PHF14: variants seen among roughly 807,000 people sequenced by gnomAD.
PHF14 encodes the protein PHD finger protein 14.
A neutral mutation model predicts 117.9 loss-of-function variants in PHF14; 55 were observed. The ratio of observed to expected loss-of-function variants is 0.47; its 90% CI spans 0.38 to 0.58. The LOEUF is 0.58. Ranked by LOEUF, PHF14 falls within the 20% of genes least tolerant of loss-of-function variation. The pLI, the probability that PHF14 is intolerant of heterozygous loss-of-function variation, is 0.00. For missense variants in PHF14, 978 were observed against 1,122.2 expected (o/e 0.87, Z 1.84); for synonymous variants, 409 against 368.6 (o/e 1.11, Z -1.26).
intron 5 of PHF14, among the ~76,000 whole-genome samples, chr7:11,021,899 G>A (rs1783748951): frequency 6.6e-6 from 1 of 152,064 alleles, no homozygotes; most frequent in Non-Finnish European, 1.5e-5. Context: ...ACAAAAACCA[G>A]AACCATGTAG....
chr7:11,032,888 C>T (rs1784168839), intron 7 of PHF14, among the ~76,000 whole-genome samples: 2 of 152,198 alleles, frequency 1.3e-5, no homozygotes, highest in African/African-American at 2.4e-5. Context: ...AATCTGATGA[C>T]AGTCAGGTAA....
chr7:11,100,353 T>A (rs1166355565), intron 16 of PHF14, among the ~76,000 whole-genome samples: 1 of 152,154 alleles, frequency 6.6e-6, no homozygotes, highest in Non-Finnish European at 1.5e-5. Context: ...TATCCCAGAC[T>A]ATGTTTTCTG....
At chr7:11,110,323 CAAT>C (rs1562471275) in intron 16 of PHF14, 1 of 152,414 alleles carries the variant, frequency 6.6e-6, no homozygotes, top group African/African-American at 2.4e-5. Flanking sequence ...GAAAGATAAA[CAAT>C]AAAGAAAATC....
intron 16 of PHF14, among the ~76,000 whole-genome samples, chr7:11,088,105 G>A (rs1423403964): frequency 6.6e-6 from 1 of 152,080 alleles, no homozygotes; most frequent in East Asian, 1.9e-4. Context: ...AAAATCTGAA[G>A]ATGCTCAAGT....
intron 17 of PHF14, among the ~76,000 whole-genome samples, chr7:11,157,728 T>A (rs1398480941): frequency 6.6e-6 from 1 of 152,182 alleles, no homozygotes; most frequent in Non-Finnish European, 1.5e-5. Flanking sequence ...GTGTTAGACA[T>A]CCCTCAGTGT....
At chr7:11,011,690 T>C (rs896092402) in intron 4 of PHF14, among the ~76,000 whole-genome samples, 3 of 152,216 alleles carry the variant, frequency 2.0e-5, no homozygotes, top group Non-Finnish European at 2.9e-5. Flanking sequence ...TTGCAATGTG[T>C]TCATTATTAT....
rs564998009 is a variant in PHF14, at chr7:11,162,072, C to CTTTTTTT, written c.2773-7316_2773-7310dup. On this transcript the variant is annotated intron_variant, in intron 17 of 17. Coordinates refer to ENST00000634607, the MANE Select transcript of PHF14 (RefSeq NM_001007157.2). ...TCAGCAGGATATCTTAAAAATATGT[C>CTTTTTTT]TTTTTTTTTTTTTTTTTTTTTTTTT... Among the ~76,000 whole-genome samples, 90 of 70,296 alleles carry CTTTTTTT rather than the reference C, an allele frequency of 1.3e-3. 1 individual carries two copies. The highest frequency in any genetic ancestry group is 1.8e-3 in the Non-Finnish European group (61 of 33,654). The allele number at this position is 70,296 out of a possible 152,430, so 46.1% of individuals were successfully genotyped here.
At chr7:11,107,101 C>G in intron 16 of PHF14, 1 of 982,708 alleles carries the variant, frequency 1.0e-6, no homozygotes, top group Non-Finnish European at 1.2e-6. Context: ...TTGTAGTTTA[C>G]TCCTCTAATG....
At chr7:11,050,579 T>G (rs1314646917) in intron 13 of PHF14, among the ~76,000 whole-genome samples, 1 of 152,260 alleles carries the variant, frequency 6.6e-6, no homozygotes, top group Non-Finnish European at 1.5e-5. Context: ...AAATGAGAAA[T>G]TTTCTCAGTG....
chr7:11,009,035 CAAAA>C (rs35700406), intron 4 of PHF14, among the ~76,000 whole-genome samples: 2 of 101,530 alleles, frequency 2.0e-5, no homozygotes, highest in Non-Finnish European at 1.9e-5. Context: ...GACTCTGTCT[CAAAA>C]AAAAAAAAAA....
At chr7:11,086,478 T>C (rs1208314734) in intron 16 of PHF14, among the ~76,000 whole-genome samples, 2 of 152,234 alleles carry the variant, frequency 1.3e-5, no homozygotes, top group Non-Finnish European at 2.9e-5. Context: ...GGATGAGGGC[T>C]TCTCAATCAC....
intron 16 of PHF14, among the ~76,000 whole-genome samples, chr7:11,099,260 A>T (rs1041150345): frequency 9.2e-5 from 14 of 152,116 alleles, no homozygotes; most frequent in African/African-American, 3.4e-4. Flanking sequence ...ACATTCTTTG[A>T]CTTAAAATCT....
chr7:11,075,380 A>G (rs1346398548), intron 16 of PHF14, among the ~76,000 whole-genome samples: 1 of 152,166 alleles, frequency 6.6e-6, no homozygotes, highest in African/African-American at 2.4e-5. Flanking sequence ...CGGCTGTACA[A>G]GCAGCATGGC....
At chr7:11,069,793 AATTACCACCGTGGCTTGGT>A (rs1785549970) in intron 16 of PHF14, among the ~76,000 whole-genome samples, 1 of 150,352 alleles carries the variant, frequency 6.7e-6, no homozygotes, top group African/African-American at 2.5e-5. Flanking sequence ...GAGTAGCTGG[AATTACCACCGTGGCTTGGT>A]ATTACCACCA....
At chr7:11,155,171 C>T (rs957954487) in intron 17 of PHF14, among the ~76,000 whole-genome samples, 1 of 152,008 alleles carries the variant, frequency 6.6e-6, no homozygotes, top group East Asian at 1.9e-4. Flanking sequence ...TAATTTTAGT[C>T]GTCAAAAATA....
intron 13 of PHF14, among the ~76,000 whole-genome samples, chr7:11,045,131 A>G (rs1583406732): frequency 6.6e-6 from 1 of 152,186 alleles, no homozygotes; most frequent in East Asian, 1.9e-4. Flanking sequence ...GAGTATTTGT[A>G]CTGTAGAAAT....
chr7:11,113,324 A>G (rs779231653), intron 17 of PHF14, among the ~76,000 whole-genome samples: 11 of 152,136 alleles, frequency 7.2e-5, no homozygotes, highest in Non-Finnish European at 1.6e-4. Flanking sequence ...CATAGGTGCC[A>G]GTAGCCATTG....
intron 7 of PHF14, among the ~76,000 whole-genome samples, chr7:11,031,665 G>A (rs1019033928): frequency 6.6e-6 from 1 of 151,780 alleles, no homozygotes; most frequent in East Asian, 1.9e-4. Context: ...GAGGTGAGAG[G>A]ATCACATATA....
chr7:11,111,519 C>A, intron 17 of PHF14, 52 bp downstream of exon 17: 1 of 855,102 alleles, frequency 1.2e-6, no homozygotes, highest in Non-Finnish European at 1.9e-6. Flanking sequence ...CGTTTGATAG[C>A]TTTCCCATGT....
Sources: gnomAD v4.1 joint callset for allele counts (sites outside exome capture counted in the v4.1 genomes callset) on GRCh38, gnomAD v4.1.1 for gene constraint, MANE v1.5 for transcripts, NCBI Gene and HGNC (gene_info 2026-07-23, HGNC 2026-07-21) for gene names.